The following TNFSF4 variants were observed in gnomAD, a reference collection of about 807,000 sequenced individuals.
TNFSF4 encodes TNF superfamily member 4, also known as tumor necrosis factor ligand superfamily member 4.
A neutral mutation model predicts 7.3 loss-of-function variants in TNFSF4; 4 were observed. That is an observed-to-expected ratio of 0.55 (90% CI 0.27 to 1.25). The LOEUF is 1.25. Among genes scored for constraint, TNFSF4 ranks in the 50% most tolerant of loss-of-function variants. The probability of loss-of-function intolerance (pLI) is 0.12; values close to 1 mark genes in which losing one functional copy is unlikely to be tolerated. For missense variants in TNFSF4, 181 were observed against 208.8 expected, an observed-to-expected ratio of 0.87 and a Z score of 0.82; for synonymous variants, 76 against 83.7, an observed-to-expected ratio of 0.91 and a Z score of 0.50.
the TNFSF4 span, among the ~76,000 whole-genome samples, chr1:173,422,544 A>G: frequency 2.0e-5 from 3 of 152,150 alleles, no homozygotes; most frequent in African/African-American, 7.2e-5. Context: ...TGGCCAGTCT[A>G]GGAGGTCAAA....
At chr1:173,385,741 A>G in the TNFSF4 span, among the ~76,000 whole-genome samples, 2 of 152,304 alleles carry the variant, frequency 1.3e-5, no homozygotes, top group African/African-American at 2.4e-5. Flanking sequence ...TGGGAGGCTG[A>G]GGCACGAGAA....
the TNFSF4 span, among the ~76,000 whole-genome samples, chr1:173,311,945 A>T: frequency 6.6e-6 from 1 of 152,146 alleles, no homozygotes; most frequent in Non-Finnish European, 1.5e-5. Flanking sequence ...GCATCCTTGA[A>T]TTAGCAATGT....
At chr1:173,263,681 T>C in the TNFSF4 span, among the ~76,000 whole-genome samples, 20 of 152,028 alleles carry the variant, frequency 1.3e-4, no homozygotes, top group African/African-American at 4.6e-4. Flanking sequence ...CTTCCTTTAG[T>C]TTGAGACCTA....
chr1:173,246,303 C>T, the TNFSF4 span, among the ~76,000 whole-genome samples: 1 of 152,106 alleles, frequency 6.6e-6, no homozygotes, highest in African/African-American at 2.4e-5. Flanking sequence ...TTCTCCATCC[C>T]CTTGCCCCCA....
the TNFSF4 span, among the ~76,000 whole-genome samples, chr1:173,325,056 T>C: frequency 2.0e-5 from 3 of 152,170 alleles, no homozygotes; most frequent in Non-Finnish European, 2.9e-5. Flanking sequence ...ATCAACAGAA[T>C]ATACATTCTT....
the TNFSF4 span, among the ~76,000 whole-genome samples, chr1:173,304,192 A>T: frequency 6.6e-6 from 1 of 151,968 alleles, no homozygotes; most frequent in Non-Finnish European, 1.5e-5. Flanking sequence ...AGTAAAGGTT[A>T]TGGTATCTTT....
chr1:173,361,528 G>A, the TNFSF4 span, among the ~76,000 whole-genome samples: 1 of 152,116 alleles, frequency 6.6e-6, no homozygotes, highest in East Asian at 1.9e-4. Context: ...GAACCCAGAA[G>A]GCGGAGGTTG....
At chr1:173,188,257 G>A (rs532062434) in intron 2 of TNFSF4, among the ~76,000 whole-genome samples, 1 of 152,202 alleles carries the variant, frequency 6.6e-6, no homozygotes, top group East Asian at 1.9e-4. Context: ...TACCCAGAAG[G>A]TTCCTTGGAG....
the TNFSF4 span, among the ~76,000 whole-genome samples, chr1:173,339,311 G>T: frequency 6.6e-6 from 1 of 152,096 alleles, no homozygotes; most frequent in Non-Finnish European, 1.5e-5. Context: ...GAGCCCAGGA[G>T]CTAGAGGCTG....
the TNFSF4 span, among the ~76,000 whole-genome samples, chr1:173,404,137 T>C: frequency 6.6e-6 from 1 of 152,172 alleles, no homozygotes; most frequent in African/African-American, 2.4e-5. Flanking sequence ...TGACGCTCCA[T>C]TGCTGACTTA....
chr1:173,441,073 AG>A, the TNFSF4 span, among the ~76,000 whole-genome samples: 1 of 152,214 alleles, frequency 6.6e-6, no homozygotes, highest in African/African-American at 2.4e-5. Flanking sequence ...CAGTCAGAGC[AG>A]GGGTAACCTC....
chr1:173,348,286 G>T, the TNFSF4 span, among the ~76,000 whole-genome samples: 1 of 152,094 alleles, frequency 6.6e-6, no homozygotes, highest in African/African-American at 2.4e-5. Context: ...AGATCTGATC[G>T]TTTTATAAGG....
At chr1:173,328,007 T>C in the TNFSF4 span, among the ~76,000 whole-genome samples, 1 of 152,222 alleles carries the variant, frequency 6.6e-6, no homozygotes, top group Non-Finnish European at 1.5e-5. Flanking sequence ...TTACTGGGTA[T>C]ATACCCAAAG....
At chr1:173,278,867 T>A in the TNFSF4 span, among the ~76,000 whole-genome samples, 1 of 152,104 alleles carries the variant, frequency 6.6e-6, no homozygotes, top group East Asian at 1.9e-4. Context: ...CCTATAAGAA[T>A]GTCAGATCAG....
upstream of TNFSF4, among the ~76,000 whole-genome samples, chr1:173,210,380 C>A (rs137992243): frequency 1.2e-3 from 178 of 152,146 alleles, no homozygotes; most frequent in African/African-American, 3.8e-3. Flanking sequence ...CTGGGAGAAA[C>A]GAGAAGCAGT....
chr1:173,225,321 T>A, the TNFSF4 span, among the ~76,000 whole-genome samples: 1 of 152,206 alleles, frequency 6.6e-6, no homozygotes, highest in African/African-American at 2.4e-5. Context: ...ATTCTCAATT[T>A]TCATAGGTTA....
chr1:173,207,673 T>A (rs1324769465), upstream of TNFSF4, among the ~76,000 whole-genome samples: 3 of 152,116 alleles, frequency 2.0e-5, no homozygotes, highest in African/African-American at 7.2e-5. Flanking sequence ...TGGCCCAAGG[T>A]TCTTATCTGC....
At chr1:173,323,163 G>A in the TNFSF4 span, among the ~76,000 whole-genome samples, 28 of 152,244 alleles carry the variant, frequency 1.8e-4, no homozygotes, top group Middle Eastern at 3.4e-3. Context: ...CACCTCACAC[G>A]GCCGGGTACT....
At chr1:173,308,221 T>G in the TNFSF4 span, among the ~76,000 whole-genome samples, 1 of 151,822 alleles carries the variant, frequency 6.6e-6, no homozygotes, top group East Asian at 1.9e-4. Flanking sequence ...TGCAGTCAAC[T>G]TTATTCTCTT....
Sources: gnomAD v4.1 joint callset for allele counts (sites outside exome capture counted in the v4.1 genomes callset) on GRCh38, gnomAD v4.1.1 for gene constraint, MANE v1.5 for transcripts, NCBI Gene and HGNC (gene_info 2026-07-23, HGNC 2026-07-21) for gene names.